The following CPB1 variants were observed in gnomAD, a reference collection of about 807,000 sequenced individuals.
The protein encoded by CPB1 is carboxypeptidase B1.
In CPB1, 53 loss-of-function variants were observed where a neutral mutation model predicts 51.4. The observed-to-expected ratio is 1.03, with a 90% CI of 0.83 to 1.30. The LOEUF (loss-of-function observed/expected upper bound fraction) is 1.30, where lower values mean the gene tolerates loss of function less well. Ranked by LOEUF, CPB1 falls within the 50% of genes most tolerant of loss-of-function variation. CPB1 has a pLI of 0.00. For synonymous variants in CPB1, 189 were observed against 186.9 expected (o/e 1.01, Z -0.09); for missense variants, 494 against 516.2 (o/e 0.96, Z 0.42).
intron 8 of CPB1, 112 bp from the exon 9 acceptor site, chr3:148,845,312 G>A: frequency 1.3e-6 from 1 of 784,148 alleles, no homozygotes; most frequent in Non-Finnish European, 2.1e-6. Context: ...CAACTTTAAG[G>A]ACTCCTTGAT....
chr3:148,857,372 T>G, intron 9 of CPB1, 85 bp from the exon 10 acceptor site: 1 of 1,032,924 alleles, frequency 9.7e-7, no homozygotes, highest in South Asian at 1.4e-5. Context: ...TTACATGCTT[T>G]GAATGCCTTA....
chr3:148,845,719 A>T, intron 9 of CPB1, 93 bp downstream of exon 9: 1 of 989,370 alleles, frequency 1.0e-6, no homozygotes, highest in Non-Finnish European at 1.5e-6. Flanking sequence ...CACTTTCTGG[A>T]AGTCCCTTTA....
At position 148,859,931 on chromosome 3, in the gene CPB1, C is replaced by T. The variant is rs756873153; in HGVS notation, c.1183C>T (p.Arg395Trp). The stretch of plus-strand genomic sequence containing the variant: ...CTTTCTCCTTCCAGAATCCCAGATC[C>T]GGGCTACCTGCGAGGAGACCTTCCT... ...YGFLLPESQI[R>W]ATCEETFLAI... is the part of the protein sequence containing the mutation. The change falls in exon 11 of 11, where the codon CGG (arginine) becomes TGG (tryptophan). Residue 395 changes from arginine to tryptophan, a missense_variant. By Grantham distance (101) the Arg-to-Trp change is moderately radical (BLOSUM62 -3). Transcript: ENST00000282957. 90 of 1,614,024 alleles carry T rather than the reference C, an allele frequency of 5.6e-5. No individual in the cohort carries two copies. Among genetic ancestry groups the T allele is most frequent in the Admixed American group, 1.7e-4 (10 of 60,002 alleles).
intron 5 of CPB1, 76 bp from the exon 6 acceptor site, chr3:148,841,747 C>A: frequency 8.8e-7 from 1 of 1,141,916 alleles, no homozygotes. Flanking sequence ...GTCTCAAGCC[C>A]AGATGGGTAG....
Position 148,860,056 on chromosome 3 carries a change from TC to T in CPB1, c.*55del. On this transcript the variant is annotated 3_prime_UTR_variant, in exon 11 of 11. Coordinates refer to ENST00000282957, the MANE Select transcript of CPB1 (RefSeq NM_001871.3). The stretch of plus-strand genomic sequence containing the variant: ...ATTCTCATTTTTCATTTCTTTTCTT[TC>T]TTGAATTCTTATTTTGGTTTGCCTG... The T allele has an allele frequency of 6.5e-7, 1 of 1,544,508 alleles. No individual in the cohort carries two copies. Among genetic ancestry groups the T allele is most frequent in the South Asian group, 1.2e-5 (1 of 83,524 alleles).
chr3:148,853,929 G>A (rs527279331), intron 9 of CPB1, among the ~76,000 whole-genome samples: 1 of 152,242 alleles, frequency 6.6e-6, no homozygotes, highest in Non-Finnish European at 1.5e-5. Context: ...TTATGTAAAT[G>A]TTAGTTCTGA....
intron 6 of CPB1, among the ~76,000 whole-genome samples, chr3:148,843,606 A>G (rs1431346373): frequency 6.6e-6 from 1 of 152,096 alleles, no homozygotes; most frequent in Non-Finnish European, 1.5e-5. Flanking sequence ...CCCAAAAAGC[A>G]CATGCTTTAT....
intron 9 of CPB1, among the ~76,000 whole-genome samples, chr3:148,852,493 A>C (rs968894): frequency 0.25 from 38,265 of 152,122 alleles, 5,367 homozygotes; most frequent in Non-Finnish European, 0.31. Context: ...CTTTAAATAA[A>C]TATAAGAACA....
chr3:148,833,605 C>T (rs1418829627), intron 2 of CPB1, among the ~76,000 whole-genome samples: 1 of 152,136 alleles, frequency 6.6e-6, no homozygotes, highest in East Asian at 1.9e-4. Context: ...GACCCAATGT[C>T]AGGCTGACCT....
intron 6 of CPB1, among the ~76,000 whole-genome samples, chr3:148,842,686 T>C (rs1313531384): frequency 2.0e-5 from 3 of 152,146 alleles, no homozygotes; most frequent in Non-Finnish European, 4.4e-5. Flanking sequence ...GTAAAATTAG[T>C]GGGTAAAAGT....
chr3:148,845,330 C>G (rs1172442948), intron 8 of CPB1, 94 bp from the exon 9 acceptor site: 1 of 1,039,112 alleles, frequency 9.6e-7, no homozygotes, highest in Non-Finnish European at 1.5e-6. Context: ...GATAAGGACT[C>G]CTATGAAAAC....
intron 2 of CPB1, among the ~76,000 whole-genome samples, chr3:148,833,636 C>T (rs554317849): frequency 2.0e-5 from 3 of 151,992 alleles, no homozygotes; most frequent in Non-Finnish European, 4.4e-5. Context: ...GGCTTCCACT[C>T]GGCACAAGCA....
Position 148,844,700 on chromosome 3 carries a change from C to T in CPB1, c.711C>T (p.Arg237=), listed in dbSNP as rs1713182862. Residue 237 remains arginine (R), a synonymous_variant, in exon 8 of 11, where the codon CGC becomes CGT. Coordinates refer to ENST00000282957, the MANE Select transcript of CPB1 (RefSeq NM_001871.3). ...WTKSRFWRKT[R]STHTGSSCIG... ...AGAGCCGATTTTGGAGAAAGACTCGCTCCACCCATACTGGATCTAGCTGCA... is the reference window on the plus strand; with the variant it reads ...AGAGCCGATTTTGGAGAAAGACTCGTTCCACCCATACTGGATCTAGCTGCA... 2 of 1,613,960 alleles carry T rather than the reference C, an allele frequency of 1.2e-6. No individual in the cohort carries two copies. Among genetic ancestry groups the T allele is most frequent in the African/African-American group, 2.7e-5 (2 of 75,040 alleles).
intron 10 of CPB1, 30 bp from the exon 11 acceptor site, chr3:148,859,785 T>G (rs776165835): frequency 1.7e-5 from 26 of 1,545,964 alleles, no homozygotes; most frequent in Non-Finnish European, 1.9e-5. Context: ...AGATTTAAAG[T>G]TTTTTTTCAC....
At chr3:148,832,449 C>A (rs934690238) in intron 2 of CPB1, among the ~76,000 whole-genome samples, 2 of 151,696 alleles carry the variant, frequency 1.3e-5, no homozygotes, top group Non-Finnish European at 2.9e-5. Context: ...CCAAAGCAGA[C>A]CCTGAGACAA....
At chr3:148,857,873 C>T (rs116633621) in intron 10 of CPB1, among the ~76,000 whole-genome samples, 3,835 of 151,956 alleles carry the variant, frequency 0.025, 63 homozygotes, top group Middle Eastern at 0.068. Context: ...CACTCCAGCC[C>T]GGGTGACAGA....
At chr3:148,842,000 G>T in intron 6 of CPB1, 76 bp downstream of exon 6, 1 of 1,111,482 alleles carries the variant, frequency 9.0e-7, no homozygotes, top group Non-Finnish European at 1.3e-6. Flanking sequence ...AACCTAGAGA[G>T]AATAATAACA....
At chr3:148,831,630 G>A (rs1391822300) in intron 2 of CPB1, among the ~76,000 whole-genome samples, 1 of 152,116 alleles carries the variant, frequency 6.6e-6, no homozygotes, top group Non-Finnish European at 1.5e-5. Context: ...TAGGCAGCCG[G>A]CTGATTAAAT....
chr3:148,831,076 C>T lies in CPB1; in HGVS notation c.147+2999C>T, dbSNP rs968054433. 4.6e-5 allele frequency among the ~76,000 whole-genome samples: 7 copies of T among 152,124 alleles called. No individual in the cohort carries two copies. The East Asian group carries it at 5.8e-4, about 13-fold the overall frequency. ...AAATGCTGAATATATTGGGCAGATC[C>T]GTGACCACACTGTACTCCAGCAGCC... On this transcript the variant is annotated intron_variant, in intron 2 of 10. Transcript: ENST00000282957.
Sources: gnomAD v4.1 joint callset for allele counts (sites outside exome capture counted in the v4.1 genomes callset) on GRCh38, gnomAD v4.1.1 for gene constraint, MANE v1.5 for transcripts, NCBI Gene and HGNC (gene_info 2026-07-23, HGNC 2026-07-21) for gene names.